The following GAD2 variants were observed in gnomAD, a reference collection of about 807,000 sequenced individuals.
GAD2 encodes the protein 65 kDa glutamic acid decarboxylase.
Under a neutral mutation model 80.1 loss-of-function variants are expected in GAD2, and 22 were observed. The observed-to-expected ratio is 0.27, with a 90% confidence interval of 0.20 to 0.39. The LOEUF is 0.39. Among genes scored for constraint, GAD2 ranks in the 10% least tolerant of loss-of-function variants. GAD2 has a pLI of 1.00. For synonymous variants in GAD2, 274 were observed against 256.9 expected (o/e 1.07, Z -0.64); for missense variants, 624 against 738.4 (o/e 0.85, Z 1.80).
Position 26,292,523 on chromosome 10 carries a change from A to G in GAD2, c.1445A>G (p.Tyr482Cys), listed in dbSNP as rs761350624. 43 of 1,613,978 alleles carry G rather than the reference A, an allele frequency of 2.7e-5. No homozygotes were observed. Among genetic ancestry groups the G allele is most frequent in the Non-Finnish European group, 3.5e-5 (41 of 1,179,954 alleles). ...TGTTTGGAGTTGGCAGAGTATTTAT[A>G]CAACATCATAAAAAACCGAGAAGGA... ...DKCLELAEYL[Y>C]NIIKNREGYE... The change falls in exon 14 of 16, where the codon TAC becomes TGC. Residue 482 changes from tyrosine (Y) to cysteine (C), a missense_variant. Transcript: ENST00000376261.
rs757293504 is a variant in GAD2 at position 26,280,981 on chromosome 10, A to C, written c.1158-28A>C. The C allele has an allele frequency of 1.1e-5, 18 of 1,585,072 alleles. No individual in the cohort carries two copies. In the Admixed American group the frequency reaches 3.0e-4, roughly 26 times the overall value. ...CCTGAGCCTGTCAGGGTGGAGTGCCACCCGCTTATGTGATTTCTTTATTTT... is the reference window on the plus strand; with the variant it reads ...CCTGAGCCTGTCAGGGTGGAGTGCCCCCCGCTTATGTGATTTCTTTATTTT... On this transcript the variant is annotated intron_variant, in intron 11 of 15. Transcript: ENST00000376261.
At chr10:26,261,379 C>T (rs1845007241) in intron 8 of GAD2, among the ~76,000 whole-genome samples, 1 of 152,038 alleles carries the variant, frequency 6.6e-6, no homozygotes, top group Middle Eastern at 3.2e-3. Context: ...TTCTTCCTTC[C>T]CTCCTTCTTT....
In GAD2 at chr10:26,302,914, C is replaced by T. The variant is rs1834342842; in HGVS notation, c.*1953C>T. ...TTCTAGGCTTTGTCTAATGGCCAAG[C>T]ATTAGACAAAGCATTAGAAAGCAGT... On this transcript the variant is annotated 3_prime_UTR_variant, in exon 16 of 16. Transcript: ENST00000376261. The T allele has an allele frequency of 1.3e-5, 2 of 152,178 alleles. No homozygotes were observed. Among genetic ancestry groups the T allele is most frequent in the South Asian group, 4.1e-4 (2 of 4,822 alleles). The allele number at this position is 152,178 out of a possible 1,614,324, so 9.4% of individuals were successfully genotyped here.
At chr10:26,245,072 G>A (rs919159200) in intron 7 of GAD2, among the ~76,000 whole-genome samples, 9 of 150,956 alleles carry the variant, frequency 6.0e-5, no homozygotes, top group Non-Finnish European at 1.0e-4. Flanking sequence ...AGAATCACTG[G>A]AACCCGGGAG....
chr10:26,265,717 G>A (rs763378683), intron 8 of GAD2, among the ~76,000 whole-genome samples: 10 of 152,194 alleles, frequency 6.6e-5, no homozygotes, highest in Non-Finnish European at 1.0e-4. Context: ...ATATGCTTAC[G>A]TTATAGACAT....
At chr10:26,245,582 C>T (rs966179388) in intron 7 of GAD2, among the ~76,000 whole-genome samples, 6 of 151,802 alleles carry the variant, frequency 4.0e-5, no homozygotes, top group African/African-American at 7.3e-5. Flanking sequence ...GAATTATAGG[C>T]GCCCGCCACC....
At chr10:26,269,229 G>A (rs1383079176) in intron 9 of GAD2, 56 bp downstream of exon 9, 1 of 1,401,636 alleles carries the variant, frequency 7.1e-7, no homozygotes, top group Admixed American at 2.1e-5. Flanking sequence ...ATCCACCGGA[G>A]AACAAAATGT....
chr10:26,260,817 G>A (rs1258439989), intron 8 of GAD2, among the ~76,000 whole-genome samples: 1 of 152,152 alleles, frequency 6.6e-6, no homozygotes, highest in Non-Finnish European at 1.5e-5. Flanking sequence ...TAAGTGATGT[G>A]TGTCAATCTG....
intron 13 of GAD2, 28 bp from the exon 14 acceptor site, chr10:26,292,437 T>C (rs760601057): frequency 4.4e-5 from 69 of 1,554,084 alleles, no homozygotes; most frequent in Non-Finnish European, 5.9e-5. Context: ...TTAGCCTGCT[T>C]AATGAGCTGT....
intron 15 of GAD2, among the ~76,000 whole-genome samples, chr10:26,296,232 C>A (rs1206262181): frequency 6.6e-6 from 1 of 152,092 alleles, no homozygotes; most frequent in Non-Finnish European, 1.5e-5. Flanking sequence ...GGCCCTATCT[C>A]CTAATATCAT....
intron 8 of GAD2, among the ~76,000 whole-genome samples, chr10:26,259,789 G>C (rs2132297842): frequency 6.6e-6 from 1 of 152,130 alleles, no homozygotes; most frequent in Non-Finnish European, 1.5e-5. Flanking sequence ...CAAATCCAAT[G>C]TTATGAATGT....
At position 26,301,042 on chromosome 10, in the gene GAD2, G is replaced by T; in HGVS notation, c.*81G>T. On this transcript the variant is annotated 3_prime_UTR_variant, in exon 16 of 16. Transcript: ENST00000376261. ...AACTGTGTGAATGTATTTGTAGTTT[G>T]TTCCAAAGTAAATCTATTTCTATAT... is the stretch of plus-strand genomic sequence containing the variant. The T allele has an allele frequency of 3.3e-6, 4 of 1,218,650 alleles. No homozygotes were observed. Among genetic ancestry groups the T allele is most frequent in the Non-Finnish European group, 4.7e-6 (4 of 843,862 alleles). 75.5% of individuals were successfully genotyped at this position (1,218,650 alleles called of 1,614,324 possible). A position where few individuals can be genotyped will look rare whatever the true frequency, so the allele number is the denominator to read the frequency against.
intron 7 of GAD2, among the ~76,000 whole-genome samples, chr10:26,236,958 C>T (rs147739495): frequency 1.2e-4 from 18 of 152,334 alleles, no homozygotes; most frequent in African/African-American, 3.8e-4. Flanking sequence ...TAGGTAAGAC[C>T]TCCCCATTGC....
intron 8 of GAD2, among the ~76,000 whole-genome samples, chr10:26,253,451 A>G (rs1304922573): frequency 1.3e-5 from 2 of 152,270 alleles, no homozygotes; most frequent in Non-Finnish European, 2.9e-5. Context: ...GTGCATTAAT[A>G]TAGAGAGGAA....
chr10:26,254,190 G>C (rs8190678), intron 8 of GAD2, among the ~76,000 whole-genome samples: 58,762 of 152,006 alleles, frequency 0.39, 13,525 homozygotes, highest in African/African-American at 0.65. Flanking sequence ...GCTCACGCCA[G>C]CACGCCTGGC....
chr10:26,217,883 G>C lies in GAD2; in HGVS notation c.178G>C (p.Gly60Arg). 1 of 1,607,488 alleles carries C rather than the reference G, an allele frequency of 6.2e-7. No homozygotes were observed. Among genetic ancestry groups the C allele is most frequent in the Non-Finnish European group, 8.5e-7 (1 of 1,177,240 alleles). ...CGCCGAGAAGCCGGCGGAGAGCGGC[G>C]GGAGCCAACCCCCGCGGGCCGCCGC... ...GDAEKPAESG[G>R]SQPPRAAARK... is the part of the protein sequence containing the mutation. Residue 60 changes from glycine to arginine, a missense_variant, in exon 3 of 16, where the codon GGG (glycine) becomes CGG (arginine). Gly to Arg is a moderately radical substitution (Grantham distance 125). Transcript: ENST00000376261. The surrounding 1 kb of genome is among the most constrained non-coding windows in gnomAD (Gnocchi z 4.9).
Position 26,240,258 on chromosome 10 carries a change from G to C in GAD2, c.841-5663G>C, listed in dbSNP as rs140993374. Reference sequence around the variant, plus strand: ...TGCTGCACCCTCCAGTCTAGGGCTAGGAGGGATGGGCGCTGCCCTCTCCAG... The same window carrying C: ...TGCTGCACCCTCCAGTCTAGGGCTACGAGGGATGGGCGCTGCCCTCTCCAG... On this transcript the variant is annotated intron_variant, in intron 7 of 15. Coordinates refer to ENST00000376261, the MANE Select transcript of GAD2 (RefSeq NM_001134366.2). Among the ~76,000 whole-genome samples, 10 of 152,344 alleles carry C rather than the reference G, an allele frequency of 6.6e-5. No individual in the cohort carries two copies. The East Asian group carries it at 1.9e-3, about 29-fold the overall frequency.
At chr10:26,252,707 G>A (rs182746241) in intron 8 of GAD2, among the ~76,000 whole-genome samples, 7 of 151,202 alleles carry the variant, frequency 4.6e-5, no homozygotes, top group South Asian at 2.1e-4. Context: ...CCAGGCTGCT[G>A]GAGTGCAATG....
chr10:26,228,255 C>G (rs1363322544), intron 6 of GAD2, among the ~76,000 whole-genome samples: 1 of 152,196 alleles, frequency 6.6e-6, no homozygotes, highest in African/African-American at 2.4e-5. Context: ...AACAGCCCTG[C>G]ATTTTCTTTG....
Sources: allele counts gnomAD v4.1 joint callset (sites outside exome capture counted in the v4.1 genomes callset), GRCh38; gene constraint gnomAD v4.1.1; non-coding constraint Gnocchi (gnomAD v3.1); transcripts MANE v1.5; gene names NCBI Gene and HGNC (gene_info 2026-07-23, HGNC 2026-07-21).